The following AK5 variants were observed in gnomAD, a reference collection of about 807,000 sequenced individuals.
The protein encoded by AK5 is adenylate kinase isoenzyme 5.
Under a neutral mutation model 69.5 loss-of-function variants are expected in AK5, and 27 were observed. The ratio of observed to expected loss-of-function variants is 0.39; its 90% CI spans 0.29 to 0.54. The LOEUF (loss-of-function observed/expected upper bound fraction) is 0.54. Ranked by LOEUF, AK5 falls within the 20% of genes least tolerant of loss-of-function variation. AK5 has a pLI of 0.71. For synonymous variants in AK5, 260 were observed against 244.4 expected (o/e 1.06, Z -0.60); for missense variants, 531 against 700.4 (o/e 0.76, Z 2.73).
intron 10 of AK5, among the ~76,000 whole-genome samples, chr1:77,507,970 T>A (rs1386995509): frequency 6.6e-6 from 1 of 152,168 alleles, no homozygotes; most frequent in Non-Finnish European, 1.5e-5. Context: ...AAGCTGAGTA[T>A]CCCTACTCCA....
intron 8 of AK5, among the ~76,000 whole-genome samples, chr1:77,480,764 T>C (rs79497420): frequency 0.01 from 1,554 of 152,376 alleles, 35 homozygotes; most frequent in East Asian, 0.078. Context: ...GGCAAACTTA[T>C]TAATTGCTTC....
chr1:77,448,020 C>A (rs1440971988), intron 8 of AK5, among the ~76,000 whole-genome samples: 1 of 152,204 alleles, frequency 6.6e-6, no homozygotes, highest in East Asian at 1.9e-4. Flanking sequence ...AGGGCACCGA[C>A]GAGCATGGAA....
In AK5 at chr1:77,282,560, G is replaced by A. The variant is rs560114737; in HGVS notation, c.60+187G>A. The A allele has an allele frequency of 6.6e-5, 91 of 1,373,746 alleles. No homozygotes were observed. In the Middle Eastern group the frequency reaches 1.3e-3, roughly 20 times the overall value. 85.1% of individuals were successfully genotyped at this position (1,373,746 alleles called of 1,614,324 possible). On this transcript the variant is annotated intron_variant, in intron 1 of 13. Coordinates refer to ENST00000354567, the MANE Select transcript of AK5 (RefSeq NM_174858.3). The stretch of plus-strand genomic sequence containing the variant: ...CCGCGGGTTGCCAGGGTCCTTGTCA[G>A]AAGGCTGGGCTTAGAAGCCTGCATC...
chr1:77,515,734 G>T (rs970910416), intron 10 of AK5, among the ~76,000 whole-genome samples: 2 of 152,196 alleles, frequency 1.3e-5, no homozygotes, highest in African/African-American at 4.8e-5. Flanking sequence ...TAAGGGCTGA[G>T]GACGACCTTG....
At chr1:77,297,396 C>T (rs2100243800) in intron 3 of AK5, among the ~76,000 whole-genome samples, 163 bp from the exon 4 acceptor site, 1 of 152,260 alleles carries the variant, frequency 6.6e-6, no homozygotes, top group Middle Eastern at 3.4e-3. Flanking sequence ...AAAGTCTCTA[C>T]TTGCTTTACA....
In AK5 at chr1:77,319,124, A is replaced by T. The variant is rs553070854; in HGVS notation, c.699+21177A>T. Among the ~76,000 whole-genome samples, 24 of 152,256 alleles carry T rather than the reference A, an allele frequency of 1.6e-4. No homozygotes were observed. The East Asian group carries it at 4.5e-3, about 28-fold the overall frequency. On this transcript the variant is annotated intron_variant, in intron 5 of 13. Coordinates refer to ENST00000354567, the MANE Select transcript of AK5 (RefSeq NM_174858.3). ...GTTACTTCAACCTAGAAAAAGACAG[A>T]TGTATGAAGAAAGGTTCCTTATAGG...
At chr1:77,381,761 T>C (rs1247924127) in intron 6 of AK5, among the ~76,000 whole-genome samples, 1 of 152,202 alleles carries the variant, frequency 6.6e-6, no homozygotes, top group East Asian at 1.9e-4. Context: ...ACTAGAGCAT[T>C]CAGAGTTCTC....
intron 11 of AK5, among the ~76,000 whole-genome samples, chr1:77,521,602 CAATT>C (rs564532573): frequency 1.3e-3 from 197 of 152,198 alleles, no homozygotes; most frequent in African/African-American, 4.5e-3. Flanking sequence ...AAAACACTAA[CAATT>C]AAACTATGAC....
chr1:77,404,808 G>A (rs1206573033), intron 6 of AK5, among the ~76,000 whole-genome samples: 1 of 152,172 alleles, frequency 6.6e-6, no homozygotes, highest in Non-Finnish European at 1.5e-5. Flanking sequence ...AGCTTAAGTG[G>A]TCAGTTGAAG....
intron 8 of AK5, among the ~76,000 whole-genome samples, chr1:77,448,095 G>A (rs1652866821): frequency 6.6e-6 from 1 of 152,184 alleles, no homozygotes; most frequent in African/African-American, 2.4e-5. Context: ...GACATGAACA[G>A]CCTGGGCACT....
chr1:77,453,487 A>C (rs1283329195), intron 8 of AK5, among the ~76,000 whole-genome samples: 1 of 152,242 alleles, frequency 6.6e-6, no homozygotes, highest in Non-Finnish European at 1.5e-5. Context: ...ATTCCAATGT[A>C]AGATTAGAAG....
chr1:77,289,506 G>A (rs1658558174), intron 2 of AK5, among the ~76,000 whole-genome samples: 1 of 151,982 alleles, frequency 6.6e-6, no homozygotes. Context: ...ATAAACCTCA[G>A]GTATACATTT....
chr1:77,344,218 CA>C, intron 6 of AK5, among the ~76,000 whole-genome samples: 1 of 152,338 alleles, frequency 6.6e-6, no homozygotes, highest in East Asian at 1.9e-4. Context: ...ATCTTACTGA[CA>C]TAGTTTCCAT....
At chr1:77,401,303 CAT>C in intron 6 of AK5, among the ~76,000 whole-genome samples, 1 of 152,282 alleles carries the variant, frequency 6.6e-6, no homozygotes, top group East Asian at 1.9e-4. Context: ...CATCTCCAAA[CAT>C]ATAAAAGAAA....
intron 5 of AK5, among the ~76,000 whole-genome samples, chr1:77,326,077 T>C (rs989919715): frequency 2.0e-5 from 3 of 152,210 alleles, no homozygotes; most frequent in Admixed American, 6.5e-5. Flanking sequence ...ATGGCTGGAC[T>C]TTAGGTGTTA....
chr1:77,451,509 T>C (rs1653153020), intron 8 of AK5, among the ~76,000 whole-genome samples: 2 of 152,228 alleles, frequency 1.3e-5, no homozygotes, highest in South Asian at 4.1e-4. Flanking sequence ...TGGCACATCA[T>C]GGCACATAAA....
chr1:77,444,312 C>T (rs1652560148), intron 8 of AK5, among the ~76,000 whole-genome samples: 1 of 71,556 alleles, frequency 1.4e-5, no homozygotes, highest in African/African-American at 6.3e-5. Flanking sequence ...TATATATACA[C>T]AATATATGTG....
intron 6 of AK5, among the ~76,000 whole-genome samples, chr1:77,366,130 A>G (rs377611849): frequency 1.3e-5 from 2 of 152,186 alleles, no homozygotes; most frequent in East Asian, 1.9e-4. Context: ...GATAAAGGGT[A>G]TCAGAGACTT....
intron 6 of AK5, among the ~76,000 whole-genome samples, chr1:77,357,126 G>T (rs556381521): frequency 6.6e-6 from 1 of 152,092 alleles, no homozygotes; most frequent in Non-Finnish European, 1.5e-5. Context: ...TTTTGTTCAT[G>T]CCTATGTTAT....
Sources: allele counts gnomAD v4.1 joint callset (sites outside exome capture counted in the v4.1 genomes callset), GRCh38; gene constraint gnomAD v4.1.1; transcripts MANE v1.5; gene names NCBI Gene and HGNC (gene_info 2026-07-23, HGNC 2026-07-21).